ADGRF4: variants seen among roughly 807,000 people sequenced by gnomAD.
ADGRF4 encodes the protein G-protein coupled receptor PGR18.
In ADGRF4, 63 loss-of-function variants were observed where a neutral mutation model predicts 58.5. The observed-to-expected ratio is 1.08, with a 90% confidence interval of 0.88 to 1.33. ADGRF4 has a LOEUF of 1.33. Ranked by LOEUF, ADGRF4 falls within the 40% of genes most tolerant of loss-of-function variation. The pLI is 0.00. For missense variants in ADGRF4, 931 were observed against 843.9 expected, an observed-to-expected ratio of 1.10 and a Z score of -1.28; for synonymous variants, 313 against 295.4, an observed-to-expected ratio of 1.06 and a Z score of -0.61.
chr6:47,700,734 A>T (rs968170846), intron 1 of ADGRF4, among the ~76,000 whole-genome samples: 1 of 152,204 alleles, frequency 6.6e-6, no homozygotes, highest in Non-Finnish European at 1.5e-5. Flanking sequence ...TTCCAAAATC[A>T]TCTAGAGTTG....
At chr6:47,715,569 T>C (rs780614087) in intron 6 of ADGRF4, 22 of 165,776 alleles carry the variant, frequency 1.3e-4, no homozygotes, top group South Asian at 3.0e-4. Flanking sequence ...TTCTATATTA[T>C]GAAGTAATGG....
rs1324758603 is a variant in ADGRF4, at chr6:47,721,886, G to A, written c.*681G>A. 2.0e-5 allele frequency: 3 copies of A among 152,034 alleles called. No individual in the cohort carries two copies. Among genetic ancestry groups the A allele is most frequent in the Admixed American group, 2.0e-4 (3 of 15,260 alleles). The allele number at this position is 152,034 out of a possible 1,614,324, so 9.4% of individuals were successfully genotyped here. ...AAACAGGAAAAAAAAATTCTTGTAGGTATTACTGTTTGTGTGTTTGAGTTT... is the reference window on the plus strand; with the variant it reads ...AAACAGGAAAAAAAAATTCTTGTAGATATTACTGTTTGTGTGTTTGAGTTT... On this transcript the variant is annotated 3_prime_UTR_variant, in exon 10 of 10. Coordinates refer to ENST00000283303, the MANE Select transcript of ADGRF4 (RefSeq NM_153838.5).
At chr6:47,707,583 T>G (rs1771747884) in intron 2 of ADGRF4, among the ~76,000 whole-genome samples, 4 of 152,212 alleles carry the variant, frequency 2.6e-5, no homozygotes, top group Admixed American at 2.0e-4. Context: ...AGAATGTAGA[T>G]AGACTGCTGC....
chr6:47,703,930 C>T (rs1246707956), intron 1 of ADGRF4, among the ~76,000 whole-genome samples: 3 of 152,154 alleles, frequency 2.0e-5, no homozygotes, highest in Admixed American at 2.0e-4. Context: ...TCACAAATGA[C>T]ATCACATCAT....
At chr6:47,709,849 G>T (rs934853723) in intron 3 of ADGRF4, among the ~76,000 whole-genome samples, 1 of 147,530 alleles carries the variant, frequency 6.8e-6, no homozygotes, top group Non-Finnish European at 1.5e-5. Context: ...TAGCATCACA[G>T]TTTTTTTTTT....
rs369286264 is a variant in ADGRF4 at position 47,700,985 on chromosome 6, TG to T, written c.-17+2198del. The stretch of plus-strand genomic sequence containing the variant: ...GTGTGGCCTAATTTCTCTCAGGCTC[TG>T]GGGGGGAAGAGCACAAATTGTTGTG... On this transcript the variant is annotated intron_variant, in intron 1 of 9. Transcript: ENST00000283303. Among the ~76,000 whole-genome samples, 654 of 152,268 alleles carry T rather than the reference TG, an allele frequency of 4.3e-3. 3 individuals are homozygous for T. Among genetic ancestry groups the T allele is most frequent in the African/African-American group, 0.014 (569 of 41,546 alleles).
In ADGRF4 at chr6:47,721,966, G is replaced by T. The variant is rs1447855551; in HGVS notation, c.*761G>T. 2 of 152,124 alleles carry T rather than the reference G, an allele frequency of 1.3e-5. No individual in the cohort carries two copies. Among genetic ancestry groups the T allele is most frequent in the African/African-American group, 4.8e-5 (2 of 41,428 alleles). 9.4% of individuals were successfully genotyped at this position (152,124 alleles called of 1,614,324 possible). A position where few individuals can be genotyped will look rare whatever the true frequency, so the allele number is the denominator to read the frequency against. On this transcript the variant is annotated 3_prime_UTR_variant, in exon 10 of 10. Coordinates refer to ENST00000283303, the MANE Select transcript of ADGRF4 (RefSeq NM_153838.5). ...GTCTTTTAAAAATACTATATATAAAGAAGATTCTGGTTGTTATTTTAGACA... is the reference window on the plus strand; with the variant it reads ...GTCTTTTAAAAATACTATATATAAATAAGATTCTGGTTGTTATTTTAGACA...
At chr6:47,710,667 C>A in intron 3 of ADGRF4, 68 bp from the exon 4 acceptor site, 1 of 1,465,172 alleles carries the variant, frequency 6.8e-7, no homozygotes, top group Non-Finnish European at 9.2e-7. Context: ...GAATTTGATG[C>A]ACCTGTCAAA....
chr6:47,712,396 T>C lies in ADGRF4; in HGVS notation c.340T>C (p.Ser114Pro). 2.5e-6 allele frequency: 4 copies of C among 1,614,018 alleles called. No homozygotes were observed. The highest frequency in any genetic ancestry group is 3.4e-6 in the Non-Finnish European group (4 of 1,179,858). Residue 114 changes from serine (S) to proline (P), a missense_variant, in exon 5 of 10, where the codon TCT becomes CCT. Transcript: ENST00000283303. ...ATCTCGCCTTTCTGTAGCAGCACCATCTATACCTCTGCATATTCTAGACTT... is the reference window on the plus strand; with the variant it reads ...ATCTCGCCTTTCTGTAGCAGCACCACCTATACCTCTGCATATTCTAGACTT... ...GASRLSVAAP[S>P]IPLHILDFRA...
At chr6:47,716,305 G>A (rs1772016980) in intron 6 of ADGRF4, among the ~76,000 whole-genome samples, 2 of 152,004 alleles carry the variant, frequency 1.3e-5, no homozygotes, top group African/African-American at 4.8e-5. Context: ...AATCTCTGTA[G>A]CATTCTCTTT....
rs151260846 is a variant in ADGRF4, at chr6:47,714,319, A to G, written c.1074A>G (p.Arg358=). The change falls in exon 6 of 10, where the codon AGA becomes AGG. Residue 358 remains arginine, a synonymous_variant. Coordinates refer to ENST00000283303, the MANE Select transcript of ADGRF4 (RefSeq NM_153838.5). The part of the protein sequence containing the change: ...QCVGWHSKKR[R]WDEKACQMML... ...TTGGCTGGCACTCCAAGAAAAGGAGATGGGATGAGAAAGCGTGCCAAATGA... is the reference window on the plus strand; with the variant it reads ...TTGGCTGGCACTCCAAGAAAAGGAGGTGGGATGAGAAAGCGTGCCAAATGA... The G allele has an allele frequency of 2.6e-4, 425 of 1,614,198 alleles. 1 individual carries two copies. In the East Asian group the frequency reaches 8.2e-3, roughly 31 times the overall value.
intron 8 of ADGRF4, 119 bp downstream of exon 8, chr6:47,717,470 C>T: frequency 1.4e-6 from 1 of 738,142 alleles, no homozygotes; most frequent in Non-Finnish European, 2.5e-6. Context: ...ATAAAGCGTA[C>T]TTCATTCATT....
intron 1 of ADGRF4, among the ~76,000 whole-genome samples, chr6:47,704,438 G>A (rs1771659204): frequency 2.0e-5 from 3 of 152,164 alleles, no homozygotes; most frequent in Admixed American, 2.0e-4. Flanking sequence ...TTTGCCTTCA[G>A]CATCGGTCCT....
At position 47,713,601 on chromosome 6, in the gene ADGRF4, A is replaced by AT. The variant is rs141768433; in HGVS notation, c.553-188dup. 5.4e-3 allele frequency among the ~76,000 whole-genome samples: 817 copies of AT among 151,514 alleles called. 6 individuals carry two copies. The highest frequency in any genetic ancestry group is 0.018 in the African/African-American group (752 of 41,292). ...ATAAAGCAGGTAAACCTTAGCTGTGATTTTTTTTTGCATTATTTTACTTTT... is the reference window on the plus strand; with the variant it reads ...ATAAAGCAGGTAAACCTTAGCTGTGATTTTTTTTTTGCATTATTTTACTTTT... On this transcript the variant is annotated intron_variant, in intron 5 of 9. Transcript: ENST00000283303.
intron 9 of ADGRF4, among the ~76,000 whole-genome samples, chr6:47,719,088 T>C (rs1772099189): frequency 6.6e-6 from 1 of 152,196 alleles, no homozygotes; most frequent in Non-Finnish European, 1.5e-5. Context: ...GTTTCAGACT[T>C]TCAAACAAAA....
intron 9 of ADGRF4, 147 bp from the exon 10 acceptor site, chr6:47,721,062 C>A (rs1190408181): frequency 6.6e-6 from 1 of 152,212 alleles, no homozygotes; most frequent in Non-Finnish European, 1.5e-5. Context: ...CTCAACGGCT[C>A]TGTGCTTCAT....
chr6:47,714,556 C>T lies in ADGRF4; in HGVS notation c.1311C>T (p.Tyr437=). Residue 437 remains tyrosine, a synonymous_variant, in exon 6 of 10, where the codon TAC becomes TAT. Transcript: ENST00000283303. ...WSRVVVTEIS[Y]MRHVCIVNIA... Reference sequence around the variant, plus strand: ...GGGTGGTTGTGACGGAGATATCATACATGCGTCACGTGTGCATCGTGAATA... The same window carrying T: ...GGGTGGTTGTGACGGAGATATCATATATGCGTCACGTGTGCATCGTGAATA... The T allele has an allele frequency of 6.2e-7, 1 of 1,614,176 alleles. No individual in the cohort carries two copies. The highest frequency in any genetic ancestry group is 8.5e-7 in the Non-Finnish European group (1 of 1,180,042).
chr6:47,705,323 G>T lies in ADGRF4; in HGVS notation c.-16-1907G>T, dbSNP rs73485555. 1.0e-2 allele frequency among the ~76,000 whole-genome samples: 1,516 copies of T among 152,318 alleles called. 30 individuals are homozygous for T. Among genetic ancestry groups the T allele is most frequent in the African/African-American group, 0.034 (1,412 of 41,558 alleles). On this transcript the variant is annotated intron_variant, in intron 1 of 9. Transcript: ENST00000283303. ...TTCTTCTGGTACTTTCTTTAGTGAT[G>T]ATCAGTTAAGCATCTATCTTGGACA...
At chr6:47,706,168 T>C (rs907490467) in intron 1 of ADGRF4, among the ~76,000 whole-genome samples, 1 of 152,232 alleles carries the variant, frequency 6.6e-6, no homozygotes, top group African/African-American at 2.4e-5. Context: ...GGAACTTTAT[T>C]GCCAATAAGG....
Sources: allele counts gnomAD v4.1 joint callset (sites outside exome capture counted in the v4.1 genomes callset), GRCh38; gene constraint gnomAD v4.1.1; transcripts MANE v1.5; gene names NCBI Gene and HGNC (gene_info 2026-07-23, HGNC 2026-07-21).